The following GPR158 variants were observed in gnomAD, a reference collection of about 807,000 sequenced individuals.
GPR158 encodes the protein G protein-coupled receptor 158.
In GPR158, 30 loss-of-function variants were observed where a neutral mutation model predicts 78.2. The ratio of observed to expected loss-of-function variants is 0.38; its 90% CI spans 0.29 to 0.52. The LOEUF (loss-of-function observed/expected upper bound fraction) is 0.52, where lower values mean the gene tolerates loss of function less well. GPR158 is among the 20% of genes least tolerant of loss of function. The pLI, the probability that GPR158 is intolerant of heterozygous loss-of-function variation, is 0.83. For missense variants in GPR158, 1,463 were observed against 1,523.5 expected (o/e 0.96, Z 0.66); for synonymous variants, 581 against 591.1 (o/e 0.98, Z 0.25).
intron 3 of GPR158, among the ~76,000 whole-genome samples, chr10:25,407,022 T>G (rs1041821163): frequency 6.6e-6 from 1 of 152,150 alleles, no homozygotes; most frequent in Non-Finnish European, 1.5e-5. Context: ...ATAATCACAT[T>G]CCTTTAAGGT....
chr10:25,411,965 A>AAAAAAAAAAAAAAAAAAAAC (rs1834592643), intron 3 of GPR158, among the ~76,000 whole-genome samples: 1 of 121,116 alleles, frequency 8.3e-6, no homozygotes. Flanking sequence ...AAAAAAAAAA[A>AAAAAAAAAAAAAAAAAAAAC]AAAAAGACTT....
At chr10:25,520,540 A>ATGAT in intron 5 of GPR158, among the ~76,000 whole-genome samples, 2 of 149,970 alleles carry the variant, frequency 1.3e-5, no homozygotes, top group Non-Finnish European at 2.9e-5. Flanking sequence ...GGTGATGTAC[A>ATGAT]GATGGGTTTT....
At chr10:25,432,549 G>A (rs1025656116) in intron 4 of GPR158, among the ~76,000 whole-genome samples, 1 of 152,124 alleles carries the variant, frequency 6.6e-6, no homozygotes, top group Non-Finnish European at 1.5e-5. Context: ...ATTGGGTTAG[G>A]TCATCATGCA....
At chr10:25,495,514 G>A (rs1223094598) in intron 5 of GPR158, among the ~76,000 whole-genome samples, 1 of 151,758 alleles carries the variant, frequency 6.6e-6, no homozygotes, top group Non-Finnish European at 1.5e-5. Flanking sequence ...GGAAAATCTT[G>A]ATCTCCTGAC....
intron 2 of GPR158, among the ~76,000 whole-genome samples, chr10:25,371,393 G>A (rs1264614648): frequency 1.3e-4 from 20 of 151,862 alleles, no homozygotes; most frequent in East Asian, 3.9e-4. Flanking sequence ...AGCCCGCATC[G>A]CCATGTCAAT....
intron 2 of GPR158, among the ~76,000 whole-genome samples, chr10:25,301,694 GAC>G (rs1370930545): frequency 3.6e-5 from 2 of 56,190 alleles, no homozygotes; most frequent in African/African-American, 2.2e-4. Flanking sequence ...TGATACCTTT[GAC>G]ACAGATTTTT....
intron 4 of GPR158, among the ~76,000 whole-genome samples, chr10:25,442,372 T>A (rs1835079511): frequency 6.6e-6 from 1 of 152,104 alleles, no homozygotes; most frequent in Non-Finnish European, 1.5e-5. Context: ...AAGATATAAC[T>A]ACATAAGACA....
chr10:25,180,965 A>G (rs1051033011), intron 1 of GPR158, among the ~76,000 whole-genome samples: 4 of 152,202 alleles, frequency 2.6e-5, no homozygotes, highest in African/African-American at 9.6e-5. Context: ...AGTGTCACTG[A>G]TTCACTGACT....
intron 2 of GPR158, among the ~76,000 whole-genome samples, chr10:25,314,799 T>A (rs920065640): frequency 1.0e-4 from 14 of 137,172 alleles, no homozygotes; most frequent in African/African-American, 4.2e-4. Flanking sequence ...ACACACACAG[T>A]GCACAGTAAA....
At chr10:25,304,604 T>G (rs72794278) in intron 2 of GPR158, among the ~76,000 whole-genome samples, 16,956 of 151,968 alleles carry the variant, frequency 0.11, 1,214 homozygotes, top group African/African-American at 0.2. Flanking sequence ...ACTCTATATA[T>G]AGAGAGAGAT....
intron 5 of GPR158, among the ~76,000 whole-genome samples, chr10:25,532,202 G>T (rs1228968914): frequency 6.6e-6 from 1 of 152,208 alleles, no homozygotes; most frequent in Non-Finnish European, 1.5e-5. Context: ...ACCCTAAAGA[G>T]AAAGAGGTGG....
intron 2 of GPR158, among the ~76,000 whole-genome samples, chr10:25,394,759 A>G (rs1834346362): frequency 1.3e-5 from 2 of 152,174 alleles, no homozygotes; most frequent in South Asian, 4.1e-4. Flanking sequence ...ACTTTAGAAT[A>G]AGTATTAGCT....
At chr10:25,306,945 C>T (rs1854684409) in intron 2 of GPR158, among the ~76,000 whole-genome samples, 2 of 151,390 alleles carry the variant, frequency 1.3e-5, no homozygotes, top group Admixed American at 6.6e-5. Context: ...TTTACCATTT[C>T]AACAATTATT....
At chr10:25,208,507 C>T (rs1853078315) in intron 1 of GPR158, among the ~76,000 whole-genome samples, 1 of 151,998 alleles carries the variant, frequency 6.6e-6, no homozygotes, top group Non-Finnish European at 1.5e-5. Flanking sequence ...TCAACCATCT[C>T]ATCACCAGAA....
At chr10:25,375,547 A>C (rs1228537813) in intron 2 of GPR158, among the ~76,000 whole-genome samples, 1 of 151,528 alleles carries the variant, frequency 6.6e-6, no homozygotes, top group African/African-American at 2.4e-5. Context: ...ACATAGTATC[A>C]CATAAGATGT....
Position 25,179,912 on chromosome 10 carries a change from G to A in GPR158, c.902+3590G>A, listed in dbSNP as rs1489349260. On this transcript the variant is annotated intron_variant, in intron 1 of 10. Transcript: ENST00000376351. Reference sequence around the variant, plus strand: ...TTTTCCTTAAAACTAGGGTTCTTTTGTTTGCATAATGATTTTTCTTCGTGG... The same window carrying A: ...TTTTCCTTAAAACTAGGGTTCTTTTATTTGCATAATGATTTTTCTTCGTGG... 2.6e-5 allele frequency among the ~76,000 whole-genome samples: 4 copies of A among 152,004 alleles called. No homozygotes were observed. The East Asian group carries it at 7.7e-4, about 29-fold the overall frequency.
chr10:25,477,994 T>C (rs1289173067), intron 5 of GPR158, among the ~76,000 whole-genome samples: 1 of 152,176 alleles, frequency 6.6e-6, no homozygotes, highest in Non-Finnish European at 1.5e-5. Flanking sequence ...ATTTATCCAC[T>C]TGGCTTGTCT....
chr10:25,494,598 A>G (rs963732700), intron 5 of GPR158, among the ~76,000 whole-genome samples: 6 of 152,186 alleles, frequency 3.9e-5, no homozygotes, highest in African/African-American at 1.4e-4. Flanking sequence ...GTAGTAGTCA[A>G]CTATCTGGAT....
chr10:25,412,526 T>G (rs1834606645), intron 4 of GPR158, 53 bp downstream of exon 4: 2 of 1,238,340 alleles, frequency 1.6e-6, no homozygotes, highest in Non-Finnish European at 2.4e-6. Flanking sequence ...ACCTCTTATC[T>G]TTTTAAGCAA....
Sources: allele counts gnomAD v4.1 joint callset (sites outside exome capture counted in the v4.1 genomes callset), GRCh38; gene constraint gnomAD v4.1.1; transcripts MANE v1.5; gene names NCBI Gene and HGNC (gene_info 2026-07-23, HGNC 2026-07-21).